LAG3: variants seen among roughly 807,000 people sequenced by gnomAD.
LAG3 encodes lymphocyte activating 3, also known as lymphocyte activation gene 3 protein.
LAG3 carries 29 observed loss-of-function variants against 49.0 expected under a neutral mutation model. The observed-to-expected ratio is 0.59, with a 90% CI of 0.44 to 0.81. The LOEUF is 0.81. LAG3 is among the 30% of genes least tolerant of loss of function. The probability of loss-of-function intolerance (pLI) is 0.00; values close to 1 mark genes in which losing one functional copy is unlikely to be tolerated. For missense variants in LAG3, 693 were observed against 695.2 expected (o/e 1.00, Z 0.04); for synonymous variants, 320 against 297.3 (o/e 1.08, Z -0.79).
At chr12:6,777,760 C>T (rs1435361734) in intron 6 of LAG3, 31 bp from the exon 7 acceptor site, 1 of 1,612,514 alleles carries the variant, frequency 6.2e-7, no homozygotes, top group Admixed American at 1.7e-5. Flanking sequence ...CTAGTCCTGA[C>T]CCTATGCCTC....
chr12:6,774,709 G>C lies in LAG3; in HGVS notation c.626G>C (p.Gly209Ala). The change falls in exon 4 of 8, where the codon GGC becomes GCC. Residue 209 changes from glycine (G) to alanine (A), a missense_variant. Physicochemically the swap from Gly to Ala is moderately conservative, Grantham distance 60. Coordinates refer to ENST00000203629, the MANE Select transcript of LAG3 (RefSeq NM_002286.6). ...CATTGGTTCCGGAACCGGGGCCAGGGCCGAGTCCCTGTCCGGGAGTCCCCC... is the reference window on the plus strand; with the variant it reads ...CATTGGTTCCGGAACCGGGGCCAGGCCCGAGTCCCTGTCCGGGAGTCCCCC... Reference protein sequence around the residue: ...SVHWFRNRGQGRVPVRESPHH... With the variant: ...SVHWFRNRGQARVPVRESPHH... 1 of 1,614,138 alleles carries C rather than the reference G, an allele frequency of 6.2e-7. No homozygotes were observed. The highest frequency in any genetic ancestry group is 8.5e-7 in the Non-Finnish European group (1 of 1,179,996).
intron 3 of LAG3, 92 bp downstream of exon 3, chr12:6,774,093 GC>G (rs1941876027): frequency 7.5e-7 from 1 of 1,334,400 alleles, no homozygotes; most frequent in Non-Finnish European, 9.5e-7. Flanking sequence ...CAGAGGCTGC[GC>G]CCTAGGCCCT....
In LAG3 at chr12:6,778,351, A is replaced by G. The variant is rs749439413; in HGVS notation, c.1539A>G (p.Glu513=). The part of the protein sequence containing the change: ...EQEPEPEPEP[E]PEPEPEPEPE... ...AACCGGAGCCGGAGCCGGAGCCGGA[A>G]CCGGAGCCCGAGCCCGAGCCCGAGC... Residue 513 remains glutamate, a synonymous_variant, in exon 8 of 8, where the codon GAA becomes GAG. Transcript: ENST00000203629. 9 of 1,605,354 alleles carry G rather than the reference A, an allele frequency of 5.6e-6. No homozygotes were observed. The East Asian group carries it at 6.7e-5, about 12-fold the overall frequency.
rs141308793 is a variant in LAG3 at position 6,777,341 on chromosome 12, C to T, written c.1135C>T (p.Arg379Cys). The T allele has an allele frequency of 5.8e-5, 94 of 1,614,226 alleles. No homozygotes were observed. The highest frequency in any genetic ancestry group is 4.3e-4 in the South Asian group (39 of 91,084). The change falls in exon 6 of 8, where the codon CGC (arginine) becomes TGC (cysteine). Residue 379 changes from arginine to cysteine, a missense_variant. By Grantham distance (180) the Arg-to-Cys change is radical. Transcript: ENST00000203629. ...GGTGACTCCAGTATCTGGACAAGAA[C>T]GCTTTGTGTGGAGCTCTCTGGACAC... is the stretch of plus-strand genomic sequence containing the variant. ...CEVTPVSGQE[R>C]FVWSSLDTPS... is the part of the protein sequence containing the mutation.
rs1312026644 is a variant in LAG3 at position 6,778,278 on chromosome 12, G to C, written c.1466G>C (p.Gly489Ala). 1.9e-6 allele frequency: 3 copies of C among 1,611,710 alleles called. No homozygotes were observed. Among genetic ancestry groups the C allele is most frequent in the Non-Finnish European group, 2.5e-6 (3 of 1,178,872 alleles). ...RPRRFSALEQ[G>A]IHPPQAQSKI... ...AGACGATTTTCTGCCTTAGAGCAAGGGATTCACCCTCCGCAGGCTCAGAGC... is the reference window on the plus strand; with the variant it reads ...AGACGATTTTCTGCCTTAGAGCAAGCGATTCACCCTCCGCAGGCTCAGAGC... The change falls in exon 8 of 8, where the codon GGG (glycine) becomes GCG (alanine). Residue 489 changes from glycine (G) to alanine (A), a missense_variant. By Grantham distance (60) the Gly-to-Ala change is moderately conservative (BLOSUM62 0). Transcript: ENST00000203629.
In LAG3 at chr12:6,774,345, A is replaced by G. The variant is rs558673086; in HGVS notation, c.512-250A>G. ...GGCTTCGCGGGGTTCCAGGCCAGGA[A>G]AACGGCAAGGGTGGCTGATGCCAAG... On this transcript the variant is annotated intron_variant, in intron 3 of 7. Transcript: ENST00000203629. Among the ~76,000 whole-genome samples the G allele has an allele frequency of 9.8e-5, 15 of 152,322 alleles. No homozygotes were observed. In the East Asian group the frequency reaches 2.9e-3, roughly 29 times the overall value.
chr12:6,773,698 G>A lies in LAG3; in HGVS notation c.208G>A (p.Gly70Ser), dbSNP rs1158947650. The A allele has an allele frequency of 7.4e-7, 1 of 1,355,054 alleles. No homozygotes were observed. Among genetic ancestry groups the A allele is most frequent in the South Asian group, 2.0e-5 (1 of 48,918 alleles). 83.9% of individuals were successfully genotyped at this position (1,355,054 alleles called of 1,614,324 possible). ...GVTWQHQPDS[G>S]PPAAAPGHPL... The stretch of plus-strand genomic sequence containing the variant: ...AACTCCATTCTCTTTCCCGCCCAGT[G>A]GCCCGCCCGCTGCCGCCCCCGGCCA... The change falls in exon 3 of 8, where the codon GGC (glycine) becomes AGC (serine). Residue 70 changes from glycine to serine, a missense_variant and splice_region_variant. Gly to Ser is a moderately conservative substitution (Grantham distance 56, BLOSUM62 0). Transcript: ENST00000203629. The surrounding 1 kb of genome is among the most constrained non-coding windows in gnomAD (Gnocchi z 5.5).
chr12:6,774,136 G>A (rs998896786), intron 3 of LAG3, 135 bp downstream of exon 3: 29 of 1,310,148 alleles, frequency 2.2e-5, no homozygotes, highest in East Asian at 6.2e-5. Flanking sequence ...TAGAGGAAGG[G>A]GGTGGGCGGC....
At chr12:6,777,974 C>T in intron 7 of LAG3, 53 bp downstream of exon 7, 1 of 1,608,688 alleles carries the variant, frequency 6.2e-7, no homozygotes, top group Non-Finnish European at 8.5e-7. Context: ...CTCTTCCATC[C>T]TCAGAGTGCT....
chr12:6,775,439 T>C lies in LAG3; in HGVS notation c.948T>C (p.Phe316=). The C allele has an allele frequency of 1.2e-6, 2 of 1,614,226 alleles. No individual in the cohort carries two copies. The highest frequency in any genetic ancestry group is 1.7e-6 in the Non-Finnish European group (2 of 1,180,046). ...TGGTGACTGGAGACAATGGCGACTT[T>C]ACCCTTCGACTAGAGGATGTGAGCC... ...DLLVTGDNGD[F]TLRLEDVSQA... The change falls in exon 5 of 8, where the codon TTT becomes TTC. Residue 316 remains phenylalanine, a synonymous_variant. Coordinates refer to ENST00000203629, the MANE Select transcript of LAG3 (RefSeq NM_002286.6).
Position 6,773,017 on chromosome 12 carries a change from C to G in LAG3, c.58+107C>G. 1.4e-6 allele frequency: 2 copies of G among 1,402,650 alleles called. No individual in the cohort carries two copies. Among genetic ancestry groups the G allele is most frequent in the Non-Finnish European group, 2.0e-6 (2 of 1,001,496 alleles). The allele number at this position is 1,402,650 out of a possible 1,614,324, so 86.9% of individuals were successfully genotyped here. Reference sequence around the variant, plus strand: ...GAGGTCCTTAGCTCTGTGGATTCTTCTAATCCCTTTTTTGGGCAGTCCTTC... The same window carrying G: ...GAGGTCCTTAGCTCTGTGGATTCTTGTAATCCCTTTTTTGGGCAGTCCTTC... On this transcript the variant is annotated intron_variant, in intron 1 of 7. Coordinates refer to ENST00000203629, the MANE Select transcript of LAG3 (RefSeq NM_002286.6). The surrounding 1 kb of genome is among the most constrained non-coding windows in gnomAD (Gnocchi z 5.5).
chr12:6,778,340 C>G lies in LAG3; in HGVS notation c.1528C>G (p.Pro510Ala), dbSNP rs1941932229. 6.2e-7 allele frequency: 1 copy of G among 1,613,052 alleles called. No individual in the cohort carries two copies. ...EELEQEPEPE[P>A]EPEPEPEPEP... ...GCTGGAGCAAGAACCGGAGCCGGAG[C>G]CGGAGCCGGAACCGGAGCCCGAGCC... The change falls in exon 8 of 8, where the codon CCG becomes GCG. Residue 510 changes from proline (P) to alanine (A), a missense_variant. By Grantham distance (27) the Pro-to-Ala change is conservative. Transcript: ENST00000203629.
intron 5 of LAG3, 40 bp downstream of exon 5, chr12:6,775,588 G>T (rs1396385065): frequency 6.2e-7 from 1 of 1,603,814 alleles, no homozygotes; most frequent in Non-Finnish European, 8.5e-7. Flanking sequence ...CCCTCCCAGG[G>T]TAGAAAGGAC....
At chr12:6,774,061 C>A in intron 3 of LAG3, 60 bp downstream of exon 3, 1 of 1,371,052 alleles carries the variant, frequency 7.3e-7, no homozygotes, top group South Asian at 1.7e-5. Flanking sequence ...CCCTGCCTCC[C>A]GGGACGCAGG....
rs140158717 is a variant in LAG3 at position 6,775,292 on chromosome 12, C to A, written c.801C>A (p.Pro267=). Residue 267 remains proline (P), a synonymous_variant, in exon 5 of 8, where the codon CCC becomes CCA. Coordinates refer to ENST00000203629, the MANE Select transcript of LAG3 (RefSeq NM_002286.6). ...CTTCAGGTCTGGAGCCCCCAACTCCCTTGACAGTGTACGCTGGAGCAGGTT... is the reference window on the plus strand; with the variant it reads ...CTTCAGGTCTGGAGCCCCCAACTCCATTGACAGTGTACGCTGGAGCAGGTT... The part of the protein sequence containing the change: ...LTVLGLEPPT[P]LTVYAGAGSR... The A allele has an allele frequency of 3.1e-6, 5 of 1,614,022 alleles. No homozygotes were observed. The African/African-American group carries it at 6.7e-5, about 22-fold the overall frequency.
In LAG3 at chr12:6,773,966, C is replaced by A; in HGVS notation, c.476C>A (p.Ser159Tyr). 2 of 1,440,566 alleles carry A rather than the reference C, an allele frequency of 1.4e-6. No homozygotes were observed. The highest frequency in any genetic ancestry group is 3.0e-5 in the African/African-American group (2 of 67,192). The allele number at this position is 1,440,566 out of a possible 1,614,324, so 89.2% of individuals were successfully genotyped here. The change falls in exon 3 of 8, where the codon TCC becomes TAC. Residue 159 changes from serine (S) to tyrosine (Y), a missense_variant. By Grantham distance (144) the Ser-to-Tyr change is moderately radical (BLOSUM62 -2). Transcript: ENST00000203629. The surrounding 1 kb of genome is among the most constrained non-coding windows in gnomAD (Gnocchi z 5.5). ...GTGCACCTCAGGGACCGCGCCCTCT[C>A]CTGCCGCCTCCGTCTGCGCCTGGGC... is the stretch of plus-strand genomic sequence containing the variant. ...AAVHLRDRALSCRLRLRLGQA... is the reference protein window; with the variant it reads ...AAVHLRDRALYCRLRLRLGQA...
At chr12:6,777,733 A>G (rs2137811359) in intron 6 of LAG3, 58 bp from the exon 7 acceptor site, 1 of 1,590,420 alleles carries the variant, frequency 6.3e-7, no homozygotes, top group Non-Finnish European at 8.6e-7. Flanking sequence ...GTCTGAGAGA[A>G]TGACAAAGTG....
chr12:6,773,962 C>T lies in LAG3; in HGVS notation c.472C>T (p.Leu158Phe), dbSNP rs1309629185. The T allele has an allele frequency of 3.5e-6, 5 of 1,440,654 alleles. No individual in the cohort carries two copies. Among genetic ancestry groups the T allele is most frequent in the African/African-American group, 1.5e-5 (1 of 67,070 alleles). The allele number at this position is 1,440,654 out of a possible 1,614,324, so 89.2% of individuals were successfully genotyped here. A position where few individuals can be genotyped will look rare whatever the true frequency, so the allele number is the denominator to read the frequency against. ...CGCGGTGCACCTCAGGGACCGCGCC[C>T]TCTCCTGCCGCCTCCGTCTGCGCCT... ...RAAVHLRDRA[L>F]SCRLRLRLGQ... The change falls in exon 3 of 8, where the codon CTC becomes TTC. Residue 158 changes from leucine to phenylalanine, a missense_variant. Leu to Phe is a conservative substitution (Grantham distance 22). Coordinates refer to ENST00000203629, the MANE Select transcript of LAG3 (RefSeq NM_002286.6). This position sits in a 1 kb window ranked among gnomAD's most constrained non-coding sequence, Gnocchi z 5.5.
At chr12:6,774,935 T>G in intron 4 of LAG3, 71 bp downstream of exon 4, 1 of 1,472,522 alleles carries the variant, frequency 6.8e-7, no homozygotes, top group Non-Finnish European at 9.3e-7. Context: ...CCCCTAACTA[T>G]GGGTCCCCAA....
Sources: gnomAD v4.1 joint callset for allele counts (sites outside exome capture counted in the v4.1 genomes callset) on GRCh38, gnomAD v4.1.1 for gene constraint, Gnocchi (gnomAD v3.1) non-coding constraint, MANE v1.5 for transcripts, NCBI Gene and HGNC (gene_info 2026-07-23, HGNC 2026-07-21) for gene names.